MLLT10: variants seen among roughly 807,000 people sequenced by gnomAD.
MLLT10 encodes the protein protein AF-10.
MLLT10 carries 30 observed loss-of-function variants against 129.1 expected under a neutral mutation model. The ratio of observed to expected loss-of-function variants is 0.23; its 90% CI spans 0.17 to 0.32. The LOEUF is 0.32. Ranked by LOEUF, MLLT10 falls within the 10% of genes least tolerant of loss-of-function variation. The pLI is 1.00. For missense variants in MLLT10, 1,119 were observed against 1,268.3 expected, an observed-to-expected ratio of 0.88 and a Z score of 1.79; for synonymous variants, 490 against 446.4, an observed-to-expected ratio of 1.10 and a Z score of -1.23.
chr10:21,562,050 C>T (rs1564414495), intron 3 of MLLT10, among the ~76,000 whole-genome samples: 4 of 152,154 alleles, frequency 2.6e-5, no homozygotes, highest in African/African-American at 9.7e-5. Context: ...GGTTGATCTG[C>T]CCGCCTCGGC....
At chr10:21,718,668 GGTTT>G (rs1294582003) in intron 14 of MLLT10, among the ~76,000 whole-genome samples, 8 of 152,078 alleles carry the variant, frequency 5.3e-5, no homozygotes, top group African/African-American at 1.9e-4. Context: ...AAACTTCCAA[GGTTT>G]ATTTATGTGA....
intron 3 of MLLT10, among the ~76,000 whole-genome samples, chr10:21,546,932 A>C (rs2036178527): frequency 6.6e-6 from 1 of 152,134 alleles, no homozygotes; most frequent in Non-Finnish European, 1.5e-5. Flanking sequence ...CATGTTGGTC[A>C]GGCTGGTCTC....
rs765183217 is a variant in MLLT10, at chr10:21,734,071, A to G, written c.2800A>G (p.Thr934Ala). The G allele has an allele frequency of 6.8e-6, 11 of 1,613,880 alleles. No homozygotes were observed. Among genetic ancestry groups the G allele is most frequent in the Non-Finnish European group, 9.3e-6 (11 of 1,179,912 alleles). The change falls in exon 20 of 23, where the codon ACC (threonine) becomes GCC (alanine). Residue 934 changes from threonine (T) to alanine (A), a missense_variant. This residue lies in a region of MLLT10 where 1,004 missense variants were observed against 1,008.7 expected (regional missense o/e 1.00). Coordinates refer to ENST00000307729, the MANE Select transcript of MLLT10 (RefSeq NM_001195626.3). ...VTMSQNPTPL[T>A]HTTVPPNATH... Reference sequence around the variant, plus strand: ...AATGTCCCAGAACCCTACCCCTCTCACCCACACAACCGTACCACCTAATGC... The same window carrying G: ...AATGTCCCAGAACCCTACCCCTCTCGCCCACACAACCGTACCACCTAATGC...
rs1272398253 is a variant in MLLT10, at chr10:21,743,386, T to G, written c.*1403T>G. 1 of 207,690 alleles carries G rather than the reference T, an allele frequency of 4.8e-6. No homozygotes were observed. Among genetic ancestry groups the G allele is most frequent in the Non-Finnish European group, 9.8e-6 (1 of 101,752 alleles). 12.9% of individuals were successfully genotyped at this position (207,690 alleles called of 1,614,324 possible). On this transcript the variant is annotated 3_prime_UTR_variant, in exon 23 of 23. Coordinates refer to ENST00000307729, the MANE Select transcript of MLLT10 (RefSeq NM_001195626.3). ...ATTTGTAATATTTCTAATTGGTAGATTTAATTGAAAAGTAAAATTAATTTA... is the reference window on the plus strand; with the variant it reads ...ATTTGTAATATTTCTAATTGGTAGAGTTAATTGAAAAGTAAAATTAATTTA...
chr10:21,620,837 C>G (rs1171245918), intron 8 of MLLT10, among the ~76,000 whole-genome samples: 1 of 151,940 alleles, frequency 6.6e-6, no homozygotes, highest in Admixed American at 6.6e-5. Context: ...ATTACAGGCA[C>G]CTGCCACCAC....
At chr10:21,716,046 T>C (rs1019738402) in intron 14 of MLLT10, among the ~76,000 whole-genome samples, 2 of 152,242 alleles carry the variant, frequency 1.3e-5, no homozygotes, top group Admixed American at 6.5e-5. Context: ...GACCTCTCAG[T>C]TGAACTGAGT....
chr10:21,537,340 C>T (rs2034224128), intron 2 of MLLT10, among the ~76,000 whole-genome samples: 1 of 152,114 alleles, frequency 6.6e-6, no homozygotes, highest in African/African-American at 2.4e-5. Context: ...CTCTGTCGCC[C>T]AGGCTGGAAT....
chr10:21,583,718 C>G (rs928173565), intron 3 of MLLT10, among the ~76,000 whole-genome samples: 1 of 152,140 alleles, frequency 6.6e-6, no homozygotes, highest in African/African-American at 2.4e-5. Context: ...CAGCAAGAAA[C>G]TCACTCATTA....
chr10:21,717,767 C>CGCT (rs1276186205), intron 14 of MLLT10, among the ~76,000 whole-genome samples: 3 of 111,856 alleles, frequency 2.7e-5, no homozygotes, highest in Non-Finnish European at 3.7e-5. Context: ...CCTCCTCCTC[C>CGCT]GCTGCTGCTG....
At position 21,742,837 on chromosome 10, in the gene MLLT10, G is replaced by C. The variant is rs141847522; in HGVS notation, c.*854G>C. 5 of 228,256 alleles carry C rather than the reference G, an allele frequency of 2.2e-5. No homozygotes were observed. Among genetic ancestry groups the C allele is most frequent in the African/African-American group, 6.7e-5 (3 of 45,036 alleles). 14.1% of individuals were successfully genotyped at this position (228,256 alleles called of 1,614,324 possible). A position where few individuals can be genotyped will look rare whatever the true frequency, so the allele number is the denominator to read the frequency against. ...AGCAGGGTGGGACAGTCAGTCCTCC[G>C]AGCAGCAGGAATCATCCCGTCACCT... On this transcript the variant is annotated 3_prime_UTR_variant, in exon 23 of 23. Transcript: ENST00000307729.
At chr10:21,589,966 C>T (rs893008417) in intron 4 of MLLT10, among the ~76,000 whole-genome samples, 1 of 151,576 alleles carries the variant, frequency 6.6e-6, no homozygotes, top group African/African-American at 2.4e-5. Context: ...CAGTGTATCA[C>T]TTTGTTGCCC....
chr10:21,626,001 C>T, intron 8 of MLLT10: 2 of 1,052,752 alleles, frequency 1.9e-6, no homozygotes, highest in South Asian at 2.5e-5. Context: ...GGAGGCCCAC[C>T]ATACTTCCTC....
rs539044703 is a variant in MLLT10, at chr10:21,663,850, C to G, written c.796-6599C>G. On this transcript the variant is annotated intron_variant, in intron 9 of 22. Transcript: ENST00000307729. ...CAAAGTGCTGGAATTACAGGTATGA[C>G]CCCCAATTTTTTGTTTAGCAGTTTG... Among the ~76,000 whole-genome samples the G allele has an allele frequency of 1.8e-4, 28 of 152,126 alleles. No homozygotes were observed. The South Asian group carries it at 5.8e-3, about 32-fold the overall frequency.
intron 3 of MLLT10, among the ~76,000 whole-genome samples, chr10:21,578,006 G>A (rs1273023665): frequency 4.6e-5 from 7 of 151,318 alleles, no homozygotes; most frequent in East Asian, 3.9e-4. Flanking sequence ...AGCGATTCTC[G>A]TGCCTCAGCC....
chr10:21,694,976 C>T (rs1414124861), intron 13 of MLLT10, among the ~76,000 whole-genome samples: 2 of 151,928 alleles, frequency 1.3e-5, no homozygotes, highest in Non-Finnish European at 2.9e-5. Context: ...TTGAATCCTT[C>T]TCACACTTAG....
Position 21,675,688 on chromosome 10 carries a change from C to T in MLLT10, c.1621+1769C>T, listed in dbSNP as rs186593431. Reference sequence around the variant, plus strand: ...ATTTCTCTTCATTTTTAGCAAGAGGCGTAGTAATCAATCACATGAGTACCT... The same window carrying T: ...ATTTCTCTTCATTTTTAGCAAGAGGTGTAGTAATCAATCACATGAGTACCT... On this transcript the variant is annotated intron_variant, in intron 11 of 22. Transcript: ENST00000307729. 1.5e-4 allele frequency among the ~76,000 whole-genome samples: 23 copies of T among 152,172 alleles called. 1 individual carries two copies. The highest frequency in any genetic ancestry group is 2.6e-4 in the Admixed American group (4 of 15,290).
intron 2 of MLLT10, among the ~76,000 whole-genome samples, chr10:21,535,727 C>G (rs1292395871): frequency 6.6e-6 from 1 of 152,142 alleles, no homozygotes; most frequent in Non-Finnish European, 1.5e-5. Context: ...CTTCGCATTT[C>G]TGAATCTGGC....
At chr10:21,677,060 CTG>C (rs1316047366) in intron 11 of MLLT10, among the ~76,000 whole-genome samples, 1 of 152,120 alleles carries the variant, frequency 6.6e-6, no homozygotes, top group Admixed American at 6.5e-5. Context: ...GGACAAGAAA[CTG>C]AGACAGAATT....
At chr10:21,616,588 T>A (rs926700530) in intron 7 of MLLT10, among the ~76,000 whole-genome samples, 5 of 152,090 alleles carry the variant, frequency 3.3e-5, no homozygotes, top group East Asian at 1.9e-4. Flanking sequence ...TTTAATTTTT[T>A]AATTTTTTTC....
Sources: gnomAD v4.1 joint callset for allele counts (sites outside exome capture counted in the v4.1 genomes callset) on GRCh38, gnomAD v4.1.1 for gene constraint, gnomAD v4.1.1 regional missense constraint, MANE v1.5 for transcripts, NCBI Gene and HGNC (gene_info 2026-07-23, HGNC 2026-07-21) for gene names.